Variants in GPR139 observed in about 807,000 individuals in gnomAD.
The protein encoded by GPR139 is G protein-coupled receptor 139.
A neutral mutation model predicts 25.8 loss-of-function variants in GPR139; 12 were observed. The observed-to-expected ratio is 0.47, with a 90% CI of 0.30 to 0.75. The LOEUF (loss-of-function observed/expected upper bound fraction) is 0.75. Among genes scored for constraint, GPR139 ranks in the 30% least tolerant of loss-of-function variants. The pLI, the probability that GPR139 is intolerant of heterozygous loss-of-function variation, is 0.07. For synonymous variants in GPR139, 184 were observed against 179.9 expected (o/e 1.02, Z -0.18); for missense variants, 380 against 450.2 (o/e 0.84, Z 1.41).
chr16:20,057,440 G>A (rs2057393447), intron 1 of GPR139, among the ~76,000 whole-genome samples: 1 of 152,088 alleles, frequency 6.6e-6, no homozygotes, highest in Admixed American at 6.6e-5. Context: ...GTTGTCTTCA[G>A]TATTCTTGGA....
chr16:20,038,048 G>A (rs567524384), intron 1 of GPR139, among the ~76,000 whole-genome samples: 2 of 151,078 alleles, frequency 1.3e-5, no homozygotes, highest in African/African-American at 4.9e-5. Context: ...TTTAAGTAGA[G>A]ATGGGGTTTC....
intron 1 of GPR139, among the ~76,000 whole-genome samples, chr16:20,050,851 C>T (rs1167937952): frequency 6.6e-6 from 1 of 152,052 alleles, no homozygotes; most frequent in Non-Finnish European, 1.5e-5. Flanking sequence ...AGCTTGAGTC[C>T]AGGAGTTCAA....
At chr16:20,039,585 C>T (rs1333628437) in intron 1 of GPR139, among the ~76,000 whole-genome samples, 3 of 152,176 alleles carry the variant, frequency 2.0e-5, no homozygotes, top group Non-Finnish European at 4.4e-5. Context: ...CACAATATCT[C>T]ACTTAATCTT....
chr16:20,070,911 G>GTT (rs1351018370), intron 1 of GPR139: 1 of 981,868 alleles, frequency 1.0e-6, no homozygotes, highest in African/African-American at 1.7e-5. Context: ...AACACGCAGA[G>GTT]TTACATGCTG....
At chr16:20,041,226 G>A (rs2057332342) in intron 1 of GPR139, among the ~76,000 whole-genome samples, 1 of 5,714 alleles carries the variant, frequency 1.8e-4, no homozygotes, top group Admixed American at 1.9e-3. Context: ...GAGAGGAGAG[G>A]AGAGGAGAGG....
At chr16:20,061,106 C>G (rs545382112) in intron 1 of GPR139, among the ~76,000 whole-genome samples, 1 of 151,676 alleles carries the variant, frequency 6.6e-6, no homozygotes, top group South Asian at 2.1e-4. Context: ...GCCACAAGGG[C>G]AAAAAAATGG....
intron 1 of GPR139, among the ~76,000 whole-genome samples, chr16:20,068,138 T>TTCAC (rs1243254838): frequency 6.7e-6 from 1 of 149,336 alleles, no homozygotes; most frequent in Non-Finnish European, 1.5e-5. Context: ...GTTTGAGAAG[T>TTCAC]GGTGAACAGG....
intron 1 of GPR139, among the ~76,000 whole-genome samples, chr16:20,070,421 C>T (rs72772783): frequency 0.11 from 16,621 of 152,176 alleles, 1,169 homozygotes; most frequent in East Asian, 0.26. Flanking sequence ...CCCCATTTTG[C>T]AGATGGGGAA....
chr16:20,051,952 C>T lies in GPR139; in HGVS notation c.128-19283G>A, dbSNP rs1352653618. ...GGGCAAGTTACCTACCTTCTCTGTG[C>T]CTGTTTCCTCACCTCTAAAATGAGA... On this transcript the variant is annotated intron_variant, in intron 1 of 1. Coordinates refer to ENST00000570682, the MANE Select transcript of GPR139 (RefSeq NM_001002911.4). Among the ~76,000 whole-genome samples, 4 of 152,120 alleles carry T rather than the reference C, an allele frequency of 2.6e-5. No individual in the cohort carries two copies. The East Asian group carries it at 7.7e-4, about 29-fold the overall frequency.
At chr16:20,036,238 A>G (rs563670413) in intron 1 of GPR139, among the ~76,000 whole-genome samples, 5 of 152,268 alleles carry the variant, frequency 3.3e-5, no homozygotes, top group East Asian at 1.9e-4. Flanking sequence ...CCCAAGCTGT[A>G]AAGAGGTTGA....
chr16:20,060,363 A>C (rs72772759), intron 1 of GPR139, among the ~76,000 whole-genome samples: 6,170 of 150,982 alleles, frequency 0.041, 149 homozygotes, highest in Non-Finnish European at 0.056. Context: ...TATGTGTGCA[A>C]GTTGATGTGT....
chr16:20,044,747 T>A (rs12935025), intron 1 of GPR139, among the ~76,000 whole-genome samples: 28,880 of 152,152 alleles, frequency 0.19, 3,258 homozygotes, highest in East Asian at 0.26. Context: ...TAATAACTAC[T>A]GTGAAATATT....
intron 1 of GPR139, among the ~76,000 whole-genome samples, chr16:20,052,621 C>A (rs1308830255): frequency 1.3e-5 from 2 of 152,072 alleles, no homozygotes; most frequent in Non-Finnish European, 1.5e-5. Context: ...CACGGTGAAA[C>A]CCCGCCTCTC....
At chr16:20,048,572 C>T (rs1206395647) in intron 1 of GPR139, among the ~76,000 whole-genome samples, 1 of 152,210 alleles carries the variant, frequency 6.6e-6, no homozygotes, top group Admixed American at 6.5e-5. Context: ...GCCATGTGGG[C>T]ACTTCCGGTG....
chr16:20,041,481 G>A (rs1279188553), intron 1 of GPR139, among the ~76,000 whole-genome samples: 1 of 151,828 alleles, frequency 6.6e-6, no homozygotes, highest in African/African-American at 2.4e-5. Context: ...GGTAGAGACC[G>A]AATTGTATGA....
Position 20,073,778 on chromosome 16 carries a change from C to T in GPR139, c.-162G>A. ...ACCCTTGGCCGTGATCCCCTCTGCT[C>T]GCTCCGCACCTGCCCGCCTGGAGTC... On this transcript the variant is annotated 5_prime_UTR_variant, in exon 1 of 2. Coordinates refer to ENST00000570682, the MANE Select transcript of GPR139 (RefSeq NM_001002911.4). The surrounding 1 kb of genome is among the most constrained non-coding windows in gnomAD (Gnocchi z 4.7). 5 of 870,890 alleles carry T rather than the reference C, an allele frequency of 5.7e-6. No homozygotes were observed. The highest frequency in any genetic ancestry group is 1.8e-5 in the African/African-American group (1 of 55,398). The allele number at this position is 870,890 out of a possible 1,614,324, so 53.9% of individuals were successfully genotyped here.
chr16:20,031,856 T>C lies in GPR139; in HGVS notation c.941A>G (p.Tyr314Cys), dbSNP rs776481788. 5.0e-6 allele frequency: 8 copies of C among 1,614,236 alleles called. No individual in the cohort carries two copies. The South Asian group carries it at 8.8e-5, about 18-fold the overall frequency. ...TGTTATGGAAAAGTTATGATTGGTGTAGAACTGTACAGGTTGCTTCTGGCA... is the reference window on the plus strand; with the variant it reads ...TGTTATGGAAAAGTTATGATTGGTGCAGAACTGTACAGGTTGCTTCTGGCA... ...FKCQKQPVQF[Y>C]TNHNFSITSS... The change falls in exon 2 of 2, where the codon TAC becomes TGC. Residue 314 changes from tyrosine (Y) to cysteine (C), a missense_variant. Tyr to Cys is a radical substitution (Grantham distance 194). Transcript: ENST00000570682.
intron 1 of GPR139, among the ~76,000 whole-genome samples, chr16:20,037,292 A>T (rs1428551635): frequency 6.6e-6 from 1 of 152,038 alleles, no homozygotes; most frequent in Non-Finnish European, 1.5e-5. Context: ...CCTCTACTAA[A>T]AATACAAAAA....
chr16:20,071,843 T>G (rs2057460627), intron 1 of GPR139, among the ~76,000 whole-genome samples: 1 of 152,010 alleles, frequency 6.6e-6, no homozygotes, highest in South Asian at 2.1e-4. Flanking sequence ...CCTTAAATGG[T>G]TTCATTAGAA....
Sources: allele counts gnomAD v4.1 joint callset (sites outside exome capture counted in the v4.1 genomes callset), GRCh38; gene constraint gnomAD v4.1.1; non-coding constraint Gnocchi (gnomAD v3.1); transcripts MANE v1.5; gene names NCBI Gene and HGNC (gene_info 2026-07-23, HGNC 2026-07-21).